Variants in CSMD1 observed in about 807,000 individuals in gnomAD.
CSMD1 encodes the protein CUB and sushi domain-containing protein 1.
CSMD1 carries 213 observed loss-of-function variants against 417.5 expected under a neutral mutation model. That is an observed-to-expected ratio of 0.51 (90% confidence interval 0.46 to 0.57). The LOEUF is 0.57. Ranked by LOEUF, CSMD1 falls within the 20% of genes least tolerant of loss-of-function variation. The pLI, the probability that CSMD1 is intolerant of heterozygous loss-of-function variation, is 0.00. For synonymous variants in CSMD1, 2,862 were observed against 1,736.8 expected, an observed-to-expected ratio of 1.65 and a Z score of -16.11; for missense variants, 6,923 against 4,529.7, an observed-to-expected ratio of 1.53 and a Z score of -15.17.
chr8:3,110,672 A>C (rs994873052), intron 42 of CSMD1, among the ~76,000 whole-genome samples: 10 of 152,232 alleles, frequency 6.6e-5, no homozygotes, highest in Admixed American at 1.3e-4. Context: ...AGCACAATGA[A>C]TTATGGGGAA....
chr8:4,575,950 A>C (rs541669435), intron 2 of CSMD1, among the ~76,000 whole-genome samples: 5 of 152,324 alleles, frequency 3.3e-5, no homozygotes, highest in African/African-American at 1.2e-4. Context: ...ACATCACCAA[A>C]TCAAACTCGT....
At chr8:3,607,165 T>C (rs926333609) in intron 8 of CSMD1, among the ~76,000 whole-genome samples, 1 of 152,200 alleles carries the variant, frequency 6.6e-6, no homozygotes, top group Non-Finnish European at 1.5e-5. Context: ...CCTTTTGTTA[T>C]AAACTAAAAC....
At chr8:2,987,461 C>T (rs1283838425) in intron 54 of CSMD1, among the ~76,000 whole-genome samples, 1 of 148,878 alleles carries the variant, frequency 6.7e-6, no homozygotes, top group East Asian at 1.9e-4. Flanking sequence ...AAGTATATTT[C>T]TATATATATA....
chr8:3,160,172 G>A (rs1271099550), intron 38 of CSMD1, among the ~76,000 whole-genome samples: 1 of 152,026 alleles, frequency 6.6e-6, no homozygotes, highest in African/African-American at 2.4e-5. Flanking sequence ...CACCTAGGCT[G>A]GAGTGCAGTG....
chr8:4,583,816 G>A (rs1287807705), intron 2 of CSMD1, among the ~76,000 whole-genome samples: 1 of 152,150 alleles, frequency 6.6e-6, no homozygotes, highest in Non-Finnish European at 1.5e-5. Flanking sequence ...GCCCCAGCCA[G>A]CAGTGGCAAC....
At chr8:4,602,062 T>G (rs376488800) in intron 2 of CSMD1, among the ~76,000 whole-genome samples, 1 of 152,170 alleles carries the variant, frequency 6.6e-6, no homozygotes, top group East Asian at 1.9e-4. Context: ...TAGAAATAGA[T>G]AAAGGATGTA....
At chr8:4,441,813 T>G (rs931531282) in intron 2 of CSMD1, among the ~76,000 whole-genome samples, 3 of 150,598 alleles carry the variant, frequency 2.0e-5, no homozygotes, top group African/African-American at 7.5e-5. Flanking sequence ...TAAGGTTCAA[T>G]CAAACACTGA....
rs182363548 is a variant in CSMD1 at position 3,076,197 on chromosome 8, G to A, written c.7474+10900C>T. 2.9e-3 allele frequency among the ~76,000 whole-genome samples: 441 copies of A among 152,270 alleles called. 4 individuals are homozygous for A. Among genetic ancestry groups the A allele is most frequent in the African/African-American group, 8.9e-3 (370 of 41,542 alleles). ...AGTCCTGGAGGCCGGAAGTCCCACC[G>A]CAGGTGTCGGCGGGGCTGGTTCTGC... On this transcript the variant is annotated intron_variant, in intron 49 of 69. Transcript: ENST00000635120.
chr8:4,331,668 C>T (rs1039057062), intron 3 of CSMD1, among the ~76,000 whole-genome samples: 4 of 152,118 alleles, frequency 2.6e-5, no homozygotes, highest in Admixed American at 1.3e-4. Flanking sequence ...AGGTAGCCAT[C>T]CCAGAGGCCC....
chr8:4,858,996 C>T (rs1050304041), intron 1 of CSMD1, among the ~76,000 whole-genome samples: 19 of 150,414 alleles, frequency 1.3e-4, no homozygotes, highest in South Asian at 4.2e-4. Context: ...GGAGGCATCA[C>T]GCTACCTGAC....
chr8:3,355,578 A>G (rs1017963633), intron 21 of CSMD1, among the ~76,000 whole-genome samples: 2 of 152,168 alleles, frequency 1.3e-5, no homozygotes, highest in African/African-American at 2.4e-5. Context: ...CGATCTTCAC[A>G]TAGCTGTTTC....
chr8:4,891,694 T>A (rs929549026), intron 1 of CSMD1, among the ~76,000 whole-genome samples: 1 of 152,098 alleles, frequency 6.6e-6, no homozygotes, highest in African/African-American at 2.4e-5. Flanking sequence ...CTTATATTAA[T>A]GCATACAAAA....
chr8:3,300,176 C>T (rs1276949264), intron 25 of CSMD1, among the ~76,000 whole-genome samples: 1 of 151,986 alleles, frequency 6.6e-6, no homozygotes, highest in African/African-American at 2.4e-5. Flanking sequence ...AAACATTTGG[C>T]CATGTTTATT....
At chr8:3,984,920 A>T (rs2627436) in intron 5 of CSMD1, among the ~76,000 whole-genome samples, 1 of 151,488 alleles carries the variant, frequency 6.6e-6, no homozygotes, top group Non-Finnish European at 1.5e-5. Flanking sequence ...GCTTCATTGT[A>T]GTTCATTATA....
At chr8:4,188,886 C>A (rs775478210) in intron 3 of CSMD1, among the ~76,000 whole-genome samples, 4 of 151,784 alleles carry the variant, frequency 2.6e-5, no homozygotes, top group Non-Finnish European at 4.4e-5. Flanking sequence ...TATGGATCTG[C>A]CTGATGAAAC....
chr8:3,189,319 T>G (rs1192436964), intron 34 of CSMD1, among the ~76,000 whole-genome samples: 1 of 152,230 alleles, frequency 6.6e-6, no homozygotes, highest in Non-Finnish European at 1.5e-5. Context: ...ATAATTTACC[T>G]ACTATAATTT....
At chr8:4,669,162 G>T (rs1038150491) in intron 1 of CSMD1, among the ~76,000 whole-genome samples, 2 of 152,092 alleles carry the variant, frequency 1.3e-5, no homozygotes, top group Non-Finnish European at 2.9e-5. Context: ...GCTTCCTTTA[G>T]GGCTGGGATG....
intron 1 of CSMD1, among the ~76,000 whole-genome samples, chr8:4,857,463 T>G (rs536012409): frequency 6.6e-6 from 1 of 152,136 alleles, no homozygotes; most frequent in East Asian, 1.9e-4. Context: ...CTTCAAAAAA[T>G]TAATGAATCC....
rs143371524 is a variant in CSMD1 at position 3,746,710 on chromosome 8, C to G, written c.931+7220G>C. Among the ~76,000 whole-genome samples, 4 of 152,222 alleles carry G rather than the reference C, an allele frequency of 2.6e-5. No homozygotes were observed. The East Asian group carries it at 7.7e-4, about 29-fold the overall frequency. ...CAATATCTACTCAAAATAATTACAA[C>G]TAATATTTAAGTGTATTTCTCCTAT... On this transcript the variant is annotated intron_variant, in intron 6 of 69. Coordinates refer to ENST00000635120, the MANE Select transcript of CSMD1 (RefSeq NM_033225.6).
Sources: gnomAD v4.1 joint callset for allele counts (sites outside exome capture counted in the v4.1 genomes callset) on GRCh38, gnomAD v4.1.1 for gene constraint, MANE v1.5 for transcripts, NCBI Gene and HGNC (gene_info 2026-07-23, HGNC 2026-07-21) for gene names.